SGCZ: variants seen among roughly 807,000 people sequenced by gnomAD.
The protein encoded by SGCZ is sarcoglycan zeta, also known as zeta-sarcoglycan.
A neutral mutation model predicts 41.3 loss-of-function variants in SGCZ; 40 were observed. That is an observed-to-expected ratio of 0.97 (90% CI 0.75 to 1.26). SGCZ has a LOEUF of 1.26. Ranked by LOEUF, SGCZ falls within the 50% of genes most tolerant of loss-of-function variation. The pLI is 0.00. For synonymous variants in SGCZ, 206 were observed against 137.5 expected (o/e 1.50, Z -3.49); for missense variants, 552 against 369.8 (o/e 1.49, Z -4.04).
intron 5 of SGCZ, among the ~76,000 whole-genome samples, chr8:14,151,986 A>C (rs528071626): frequency 6.6e-6 from 1 of 152,256 alleles, no homozygotes; most frequent in African/African-American, 2.4e-5. Context: ...ATAAAAATTT[A>C]GGGAAAAATG....
At chr8:14,322,041 A>G (rs1345681576) in intron 3 of SGCZ, among the ~76,000 whole-genome samples, 1 of 152,138 alleles carries the variant, frequency 6.6e-6, no homozygotes, top group Non-Finnish European at 1.5e-5. Flanking sequence ...CTTATAAAAT[A>G]CATTTTTCTC....
chr8:15,017,067 G>A (rs969603595), intron 1 of SGCZ, among the ~76,000 whole-genome samples: 33 of 152,112 alleles, frequency 2.2e-4, no homozygotes, highest in African/African-American at 7.7e-4. Context: ...CATGAGACTT[G>A]GAGGGGACAA....
intron 2 of SGCZ, among the ~76,000 whole-genome samples, chr8:14,404,258 T>G (rs1460785529): frequency 6.6e-6 from 1 of 152,216 alleles, no homozygotes; most frequent in African/African-American, 2.4e-5. Flanking sequence ...CAGTGTTCAT[T>G]TTAAAACTGT....
intron 1 of SGCZ, among the ~76,000 whole-genome samples, chr8:15,024,663 G>A (rs1803381282): frequency 6.6e-6 from 1 of 152,058 alleles, no homozygotes; most frequent in Non-Finnish European, 1.5e-5. Flanking sequence ...GTCAGGCCGG[G>A]TGGTGGCTCA....
chr8:14,611,625 A>C (rs1319398029), intron 1 of SGCZ, among the ~76,000 whole-genome samples: 2 of 152,194 alleles, frequency 1.3e-5, no homozygotes, highest in Non-Finnish European at 2.9e-5. Context: ...TGCAAATGGA[A>C]CATTATTTTC....
chr8:14,934,248 G>T (rs1251602422), intron 1 of SGCZ, among the ~76,000 whole-genome samples: 1 of 151,902 alleles, frequency 6.6e-6, no homozygotes, highest in Non-Finnish European at 1.5e-5. Flanking sequence ...CTACCAGAAA[G>T]AATAGACAGC....
chr8:15,157,071 A>C (rs1366114931), intron 1 of SGCZ, among the ~76,000 whole-genome samples: 1 of 152,174 alleles, frequency 6.6e-6, no homozygotes, highest in Non-Finnish European at 1.5e-5. Context: ...TGAACCTCCA[A>C]TTTACATGAG....
At chr8:14,335,635 G>C (rs1585377882) in intron 2 of SGCZ, among the ~76,000 whole-genome samples, 1 of 151,968 alleles carries the variant, frequency 6.6e-6, no homozygotes, top group African/African-American at 2.4e-5. Context: ...ATATATTATT[G>C]TCTCTCTCCA....
At chr8:14,984,662 T>C (rs772862108) in intron 1 of SGCZ, among the ~76,000 whole-genome samples, 3 of 152,192 alleles carry the variant, frequency 2.0e-5, no homozygotes, top group Non-Finnish European at 2.9e-5. Context: ...TATTCAGGCA[T>C]GATTTTCTGG....
chr8:14,718,675 C>A (rs13277639), intron 1 of SGCZ, among the ~76,000 whole-genome samples: 55,812 of 151,010 alleles, frequency 0.37, 12,382 homozygotes, highest in African/African-American at 0.61. Flanking sequence ...AACTGTCCTA[C>A]TGAAGATAAA....
chr8:14,899,364 T>G (rs1006456918), intron 1 of SGCZ, among the ~76,000 whole-genome samples: 4 of 152,160 alleles, frequency 2.6e-5, no homozygotes, highest in African/African-American at 9.7e-5. Flanking sequence ...CACATGAAGA[T>G]ACATGAAATG....
At chr8:14,664,453 G>T (rs1807844457) in intron 1 of SGCZ, among the ~76,000 whole-genome samples, 1 of 152,170 alleles carries the variant, frequency 6.6e-6, no homozygotes, top group Non-Finnish European at 1.5e-5. Flanking sequence ...TCGATTGCAT[G>T]AATTTAACTG....
At chr8:14,520,301 A>G (rs1314291050) in intron 2 of SGCZ, among the ~76,000 whole-genome samples, 1 of 152,158 alleles carries the variant, frequency 6.6e-6, no homozygotes, top group African/African-American at 2.4e-5. Context: ...CATGGCCTCA[A>G]CACAGGAATT....
chr8:14,433,596 T>C (rs1311987327), intron 2 of SGCZ, among the ~76,000 whole-genome samples: 2 of 152,166 alleles, frequency 1.3e-5, no homozygotes, highest in African/African-American at 2.4e-5. Context: ...CATCATTGCA[T>C]CTAATTTCTT....
At chr8:14,347,040 A>G (rs1488088734) in intron 2 of SGCZ, among the ~76,000 whole-genome samples, 1 of 152,124 alleles carries the variant, frequency 6.6e-6, no homozygotes, top group Non-Finnish European at 1.5e-5. Context: ...AAACTAATGC[A>G]TCTGTCCTTA....
chr8:14,185,843 C>G (rs1284069058), intron 4 of SGCZ, among the ~76,000 whole-genome samples: 1 of 152,200 alleles, frequency 6.6e-6, no homozygotes, highest in African/African-American at 2.4e-5. Flanking sequence ...CCCTTCTCTA[C>G]TTATATTCAT....
intron 2 of SGCZ, among the ~76,000 whole-genome samples, chr8:14,537,069 C>T (rs1225799364): frequency 6.6e-6 from 1 of 151,830 alleles, no homozygotes; most frequent in Non-Finnish European, 1.5e-5. Context: ...CTGACACAGC[C>T]CCATCATGAC....
intron 3 of SGCZ, among the ~76,000 whole-genome samples, chr8:14,288,571 T>C (rs9657204): frequency 0.21 from 32,429 of 152,120 alleles, 3,658 homozygotes; most frequent in East Asian, 0.3. Context: ...TAGCATGATG[T>C]TTTCAAGATT....
intron 2 of SGCZ, among the ~76,000 whole-genome samples, chr8:14,484,931 A>G (rs1202641746): frequency 1.3e-5 from 2 of 152,242 alleles, no homozygotes; most frequent in Non-Finnish European, 2.9e-5. Context: ...TATTACTAAA[A>G]GTCATCAGTA....
Sources: gnomAD v4.1 joint callset for allele counts (sites outside exome capture counted in the v4.1 genomes callset) on GRCh38, gnomAD v4.1.1 for gene constraint, MANE v1.5 for transcripts, NCBI Gene and HGNC (gene_info 2026-07-23, HGNC 2026-07-21) for gene names.